The following SORCS3 variants were observed in gnomAD, a reference collection of about 807,000 sequenced individuals.
SORCS3 encodes the protein sortilin related VPS10 domain containing receptor 3, also known as VPS10 domain-containing receptor SorCS3.
A neutral mutation model predicts 146.3 loss-of-function variants in SORCS3; 57 were observed. The ratio of observed to expected loss-of-function variants is 0.39; its 90% CI spans 0.31 to 0.49. The LOEUF is 0.49. SORCS3 is among the 20% of genes least tolerant of loss of function. The pLI is 0.92. For synonymous variants in SORCS3, 653 were observed against 618.5 expected (o/e 1.06, Z -0.83); for missense variants, 1,341 against 1,575.5 (o/e 0.85, Z 2.52).
At chr10:105,025,603 G>A (rs891043886) in intron 4 of SORCS3, among the ~76,000 whole-genome samples, 3 of 151,960 alleles carry the variant, frequency 2.0e-5, no homozygotes, top group East Asian at 1.9e-4. Flanking sequence ...TGCTCTTTCT[G>A]TGCAGCCTCG....
chr10:104,883,740 T>A (rs2018652942), intron 2 of SORCS3, among the ~76,000 whole-genome samples: 1 of 152,168 alleles, frequency 6.6e-6, no homozygotes, highest in Admixed American at 6.5e-5. Context: ...ATTTGGAGCC[T>A]CTTAAGTATT....
At chr10:104,856,211 A>G (rs1403153494) in intron 2 of SORCS3, among the ~76,000 whole-genome samples, 2 of 152,006 alleles carry the variant, frequency 1.3e-5, no homozygotes, top group South Asian at 2.1e-4. Flanking sequence ...TTTCCTAGGC[A>G]CTGTGGGCCA....
At chr10:105,123,985 A>T (rs2055954479) in intron 7 of SORCS3, among the ~76,000 whole-genome samples, 1 of 152,234 alleles carries the variant, frequency 6.6e-6, no homozygotes, top group African/African-American at 2.4e-5. Context: ...GTGAGTATAT[A>T]AAATATCCCT....
At chr10:105,137,758 T>A (rs1447716724) in intron 7 of SORCS3, among the ~76,000 whole-genome samples, 2 of 152,220 alleles carry the variant, frequency 1.3e-5, no homozygotes, top group African/African-American at 4.8e-5. Flanking sequence ...TAATCTGTGT[T>A]TTCACAAGCT....
At chr10:105,187,007 T>C (rs1187223884) in intron 14 of SORCS3, among the ~76,000 whole-genome samples, 1 of 152,156 alleles carries the variant, frequency 6.6e-6, no homozygotes, top group African/African-American at 2.4e-5. Context: ...ACTTATCTTC[T>C]ACAGGTTCAC....
intron 5 of SORCS3, among the ~76,000 whole-genome samples, chr10:105,062,352 T>C (rs140727671): frequency 9.3e-4 from 142 of 152,232 alleles, no homozygotes; most frequent in African/African-American, 3.2e-3. Flanking sequence ...AGTTTCTTCA[T>C]TGAAAAAACG....
At position 104,842,850 on chromosome 10, in the gene SORCS3, C is replaced by T; in HGVS notation, c.686C>T (p.Ser229Leu). The T allele has an allele frequency of 6.2e-7, 1 of 1,613,668 alleles. No individual in the cohort carries two copies. Among genetic ancestry groups the T allele is most frequent in the Non-Finnish European group, 8.5e-7 (1 of 1,179,674 alleles). Residue 229 changes from serine to leucine, a missense_variant, in exon 2 of 27, where the codon TCA becomes TTA. Transcript: ENST00000369701. ...AACCTGGGCAGCGTGACTGAGAGTT[C>T]ACTATGGAGGTAAGCAGATTAGAGA... Reference protein sequence around the residue: ...DFNLGSVTESSLWRSTDYGTT... With the variant: ...DFNLGSVTESLLWRSTDYGTT...
intron 4 of SORCS3, among the ~76,000 whole-genome samples, chr10:104,997,527 A>G (rs546182748): frequency 6.6e-6 from 1 of 152,280 alleles, no homozygotes; most frequent in East Asian, 1.9e-4. Flanking sequence ...AATCATTGGA[A>G]AAAGCCCACT....
At chr10:104,663,399 T>C (rs191680575) in intron 1 of SORCS3, among the ~76,000 whole-genome samples, 1 of 152,342 alleles carries the variant, frequency 6.6e-6, no homozygotes, top group East Asian at 1.9e-4. Context: ...ACTCCTTTTC[T>C]TGTACTCCCT....
intron 2 of SORCS3, among the ~76,000 whole-genome samples, chr10:104,906,139 G>T (rs907620677): frequency 1.3e-5 from 2 of 152,176 alleles, no homozygotes; most frequent in South Asian, 2.1e-4. Context: ...ATTTTAAAGA[G>T]AAATGATAAA....
Position 105,217,107 on chromosome 10 carries a change from T to C in SORCS3, c.2719T>C (p.Phe907Leu), listed in dbSNP as rs1351290267. The change falls in exon 19 of 27, where the codon TTC (phenylalanine) becomes CTC (leucine). Residue 907 changes from phenylalanine (F) to leucine (L), a missense_variant. Phe to Leu is a conservative substitution (Grantham distance 22). Transcript: ENST00000369701. Reference sequence around the variant, plus strand: ...CCTTGGCTCAGACACAGCTGTCCTCTTCCTGCATGTGGTTTGTAAGTAGGA... The same window carrying C: ...CCTTGGCTCAGACACAGCTGTCCTCCTCCTGCATGTGGTTTGTAAGTAGGA... The part of the protein sequence containing the change: ...NNLGSDTAVL[F>L]LHVVCPVEHV... 1 of 1,614,116 alleles carries C rather than the reference T, an allele frequency of 6.2e-7. No individual in the cohort carries two copies.
At chr10:105,085,364 G>A (rs1281426354) in intron 5 of SORCS3, among the ~76,000 whole-genome samples, 1 of 152,182 alleles carries the variant, frequency 6.6e-6, no homozygotes, top group Non-Finnish European at 1.5e-5. Context: ...CCTACCCTCA[G>A]CAGCCAAGTT....
chr10:104,826,654 A>G (rs2017938902), intron 1 of SORCS3, among the ~76,000 whole-genome samples: 1 of 152,194 alleles, frequency 6.6e-6, no homozygotes, highest in Non-Finnish European at 1.5e-5. Context: ...CCTCAATGTC[A>G]ATGGCTGCTG....
intron 1 of SORCS3, 53 bp downstream of exon 1, chr10:104,642,007 T>TGGGGGTG: frequency 1.7e-5 from 1 of 59,386 alleles, no homozygotes; most frequent in Non-Finnish European, 3.3e-5. Context: ...CGAAGGGGAA[T>TGGGGGTG]GGGGGGGTGG....
At chr10:105,241,738 T>C (rs549411045) in intron 20 of SORCS3, among the ~76,000 whole-genome samples, 1 of 152,176 alleles carries the variant, frequency 6.6e-6, no homozygotes, top group East Asian at 1.9e-4. Context: ...GGCTGTCTCC[T>C]CCCAGAAGTC....
intron 1 of SORCS3, among the ~76,000 whole-genome samples, chr10:104,732,495 C>G (rs996272894): frequency 8.5e-5 from 13 of 152,166 alleles, no homozygotes; most frequent in African/African-American, 3.1e-4. Flanking sequence ...GAACCAGGCT[C>G]TGCTTCAGGA....
intron 4 of SORCS3, among the ~76,000 whole-genome samples, chr10:104,992,407 T>C (rs2054999843): frequency 1.3e-5 from 2 of 152,206 alleles, no homozygotes; most frequent in South Asian, 4.1e-4. Context: ...GCTAGACGTG[T>C]TTTGTTTCAG....
chr10:105,204,126 A>G (rs1161570599), intron 16 of SORCS3, among the ~76,000 whole-genome samples: 1 of 152,118 alleles, frequency 6.6e-6, no homozygotes, highest in Non-Finnish European at 1.5e-5. Flanking sequence ...TCATACTTGC[A>G]CTGGTAGAGG....
At chr10:105,193,968 C>G (rs2056530973) in intron 14 of SORCS3, among the ~76,000 whole-genome samples, 1 of 152,056 alleles carries the variant, frequency 6.6e-6, no homozygotes, top group South Asian at 2.1e-4. Context: ...GTCAAATACT[C>G]TCATGAAAAA....
Sources: allele counts gnomAD v4.1 joint callset (sites outside exome capture counted in the v4.1 genomes callset), GRCh38; gene constraint gnomAD v4.1.1; transcripts MANE v1.5; gene names NCBI Gene and HGNC (gene_info 2026-07-23, HGNC 2026-07-21).